Variants in THOC1 observed in about 807,000 individuals in gnomAD.
THOC1 encodes THO complex subunit 1, also known as THO complex 1.
In THOC1, 29 loss-of-function variants were observed where a neutral mutation model predicts 97.3. The observed-to-expected ratio is 0.30, with a 90% CI of 0.22 to 0.41. The LOEUF (loss-of-function observed/expected upper bound fraction) is 0.41, where lower values mean the gene tolerates loss of function less well. THOC1 is among the 10% of genes least tolerant of loss of function. THOC1 has a pLI of 1.00. For synonymous variants in THOC1, 255 were observed against 257.0 expected (o/e 0.99, Z 0.07); for missense variants, 529 against 761.9 (o/e 0.69, Z 3.60).
At chr18:266,986 GTATA>G (rs951010536) in intron 1 of THOC1, among the ~76,000 whole-genome samples, 10 of 145,380 alleles carry the variant, frequency 6.9e-5, no homozygotes, top group African/African-American at 2.6e-4. Context: ...GTGTGTGTGT[GTATA>G]TATATATTAT....
intron 2 of THOC1, 46 bp downstream of exon 2, chr18:265,411 G>A (rs535228455): frequency 1.3e-6 from 2 of 1,586,986 alleles, no homozygotes; most frequent in South Asian, 1.2e-5. Flanking sequence ...CTCAGGGTAT[G>A]TATAAAGATT....
chr18:264,563 A>G (rs1912705004), intron 3 of THOC1, among the ~76,000 whole-genome samples: 1 of 152,254 alleles, frequency 6.6e-6, no homozygotes, highest in South Asian at 2.1e-4. Context: ...TACACACAAC[A>G]ACACTGAAAG....
chr18:218,881 CT>C lies in THOC1; in HGVS notation c.1454+4del. ...TTAAAAGGAGCTAATGAGGAGCATA[CT>C]TACTTATATTCATTTTCCACCATAT... On this transcript the variant is annotated splice_donor_region_variant and intron_variant, in intron 18 of 20. Transcript: ENST00000261600. The C allele has an allele frequency of 6.3e-7, 1 of 1,587,982 alleles. No individual in the cohort carries two copies. Among genetic ancestry groups the C allele is most frequent in the Non-Finnish European group, 8.6e-7 (1 of 1,164,776 alleles).
intron 19 of THOC1, 181 bp downstream of exon 19, chr18:216,305 A>G: frequency 1.4e-6 from 1 of 689,766 alleles, no homozygotes; most frequent in Non-Finnish European, 2.4e-6. Flanking sequence ...TTACTTCTTT[A>G]TCAACTCATG....
At chr18:245,058 G>C (rs1469285424) in intron 11 of THOC1, 1 of 151,978 alleles carries the variant, frequency 6.6e-6, no homozygotes, top group Non-Finnish European at 1.5e-5. Context: ...GCCTGCTTTT[G>C]TTTCATGATT....
intron 11 of THOC1, among the ~76,000 whole-genome samples, chr18:231,964 G>C (rs1417506506): frequency 6.6e-6 from 1 of 152,176 alleles, no homozygotes; most frequent in Non-Finnish European, 1.5e-5. Context: ...TTAAGGACCA[G>C]CCAGAAACTA....
intron 11 of THOC1, among the ~76,000 whole-genome samples, chr18:238,370 GTTTTAAGCAAC>G (rs1219035377): frequency 3.3e-5 from 5 of 152,156 alleles, no homozygotes; most frequent in Non-Finnish European, 7.4e-5. Context: ...AAATTAAAAA[GTTTTAAGCAAC>G]TTTCTGTACT....
chr18:251,281 G>A (rs1912271586), intron 9 of THOC1, among the ~76,000 whole-genome samples: 1 of 152,120 alleles, frequency 6.6e-6, no homozygotes, highest in Non-Finnish European at 1.5e-5. Flanking sequence ...TGTTTCTTCT[G>A]GAGATGTGTT....
chr18:257,086 T>C (rs992647939), intron 7 of THOC1, among the ~76,000 whole-genome samples: 1 of 152,206 alleles, frequency 6.6e-6, no homozygotes, highest in Middle Eastern at 3.2e-3. Flanking sequence ...CAGCATAGTG[T>C]AAACATAACT....
chr18:231,701 C>T (rs1911491093), intron 11 of THOC1, among the ~76,000 whole-genome samples: 1 of 152,098 alleles, frequency 6.6e-6, no homozygotes, highest in Non-Finnish European at 1.5e-5. Flanking sequence ...CCTCTATAAC[C>T]CTCCCCACTC....
At position 242,268 on chromosome 18, in the gene THOC1, C is replaced by G. The variant is rs599361; in HGVS notation, c.918+4056G>C. On this transcript the variant is annotated intron_variant, in intron 11 of 20. Transcript: ENST00000261600. This position sits in a 1 kb window ranked among gnomAD's most constrained non-coding sequence, Gnocchi z 4.5. ...GAGGCAGGCAGATCACCTGAGGCTG[C>G]GAGTTCGAGACCAGCCTGGCCAACA... is the stretch of plus-strand genomic sequence containing the variant. Among the ~76,000 whole-genome samples, 93,963 of 151,628 alleles carry G rather than the reference C, an allele frequency of 0.62. 29,270 individuals are homozygous for G. Among genetic ancestry groups the G allele is most frequent in the South Asian group, 0.76 (3,668 of 4,808 alleles).
chr18:225,541 A>G, intron 12 of THOC1, 138 bp from the exon 13 acceptor site: 1 of 682,762 alleles, frequency 1.5e-6, no homozygotes, highest in Non-Finnish European at 2.5e-6. Flanking sequence ...AATAATCACA[A>G]ATGAGAGGAT....
In THOC1 at chr18:223,483, T is replaced by C; in HGVS notation, c.1327A>G (p.Asn443Asp). 6.4e-7 allele frequency: 1 copy of C among 1,560,820 alleles called. No homozygotes were observed. The change falls in exon 17 of 21, where the codon AAT becomes GAT. Residue 443 changes from asparagine to aspartate, a missense_variant. By Grantham distance (23) the Asn-to-Asp change is conservative. Transcript: ENST00000261600. Reference sequence around the variant, plus strand: ...GCTTCCATATTATCAGGGCAAAGATTCCAAAGCCTTGTTAACTCCTCACTA... The same window carrying C: ...GCTTCCATATTATCAGGGCAAAGATCCCAAAGCCTTGTTAACTCCTCACTA... ...MGNEELTRLW[N>D]LCPDNMEACK...
At chr18:246,266 A>C in intron 11 of THOC1, 58 bp downstream of exon 11, 1 of 1,306,796 alleles carries the variant, frequency 7.7e-7, no homozygotes, top group Non-Finnish European at 1.1e-6. Flanking sequence ...CTGTCAGCTA[A>C]ACGGAAATAA....
intron 18 of THOC1, among the ~76,000 whole-genome samples, chr18:216,846 C>T (rs1016905945): frequency 6.6e-6 from 1 of 152,106 alleles, no homozygotes; most frequent in Non-Finnish European, 1.5e-5. Context: ...CAGGAACCAA[C>T]AATGCCTGAA....
intron 10 of THOC1, among the ~76,000 whole-genome samples, chr18:247,641 A>G (rs1397869911): frequency 1.3e-5 from 2 of 152,272 alleles, no homozygotes; most frequent in African/African-American, 4.8e-5. Context: ...GGCTGTAATG[A>G]CGAACTTTTA....
At chr18:223,129 ACCCAAGTT>A (rs1911149374) in intron 17 of THOC1, among the ~76,000 whole-genome samples, 1 of 151,920 alleles carries the variant, frequency 6.6e-6, no homozygotes, top group Admixed American at 6.6e-5. Context: ...GACTATTAAA[ACCCAAGTT>A]CCCTGGTTCT....
chr18:244,454 A>C (rs974918464), intron 11 of THOC1: 1 of 152,022 alleles, frequency 6.6e-6, no homozygotes, highest in African/African-American at 2.4e-5. Flanking sequence ...GACAGTCTTG[A>C]GTATATTTAA....
chr18:267,949 T>G lies in THOC1; in HGVS notation c.54+17A>C. ...ATAGCGCCGGGTCAGGCCTGCACCC[T>G]CCCCTCTACAGCTCACCGTAAACCG... On this transcript the variant is annotated intron_variant, in intron 1 of 20. Coordinates refer to ENST00000261600, the MANE Select transcript of THOC1 (RefSeq NM_005131.3). 1 of 1,609,538 alleles carries G rather than the reference T, an allele frequency of 6.2e-7. No individual in the cohort carries two copies. Among genetic ancestry groups the G allele is most frequent in the Non-Finnish European group, 8.5e-7 (1 of 1,178,020 alleles).
Sources: gnomAD v4.1 joint callset for allele counts (sites outside exome capture counted in the v4.1 genomes callset) on GRCh38, gnomAD v4.1.1 for gene constraint, Gnocchi (gnomAD v3.1) non-coding constraint, MANE v1.5 for transcripts, NCBI Gene and HGNC (gene_info 2026-07-23, HGNC 2026-07-21) for gene names.